The following PTAR1 variants were observed in gnomAD, a reference collection of about 807,000 sequenced individuals.
PTAR1 encodes protein prenyltransferase alpha subunit repeat-containing protein 1.
Under a neutral mutation model 45.5 loss-of-function variants are expected in PTAR1, and 17 were observed. That is an observed-to-expected ratio of 0.37 (90% CI 0.26 to 0.56). PTAR1 has a LOEUF of 0.56. Ranked by LOEUF, PTAR1 falls within the 20% of genes least tolerant of loss-of-function variation. PTAR1 has a pLI of 0.77. For synonymous variants in PTAR1, 169 were observed against 171.3 expected (o/e 0.99, Z 0.11); for missense variants, 391 against 476.3 (o/e 0.82, Z 1.67).
intron 3 of PTAR1, among the ~76,000 whole-genome samples, chr9:69,737,717 C>A (rs769260138): frequency 6.6e-6 from 1 of 152,108 alleles, no homozygotes; most frequent in Non-Finnish European, 1.5e-5. Context: ...AGTCAAGAAC[C>A]GTGTAAAGTG....
chr9:69,746,674 T>C (rs1255176239), intron 2 of PTAR1, among the ~76,000 whole-genome samples: 1 of 152,134 alleles, frequency 6.6e-6, no homozygotes, highest in Non-Finnish European at 1.5e-5. Flanking sequence ...CTACAATATA[T>C]GACTAACCCA....
Position 69,734,258 on chromosome 9 carries a change from TAAAAAA to T in PTAR1, c.324-10_324-5del, listed in dbSNP as rs398010830. The T allele has an allele frequency of 1.1e-3, 231 of 207,462 alleles. No homozygotes were observed. Among genetic ancestry groups the T allele is most frequent in the African/African-American group, 1.3e-3 (29 of 22,038 alleles). The allele number at this position is 207,462 out of a possible 1,614,324, so 12.9% of individuals were successfully genotyped here. ...GCCAGAGAGGATCAGCTCTTTCCTG[TAAAAAA>T]AAAAAAAAAAAAAAAAAAAAATTAA... On this transcript the variant is annotated splice_polypyrimidine_tract_variant and splice_region_variant and intron_variant, in intron 3 of 7. Transcript: ENST00000340434.
At chr9:69,750,689 T>C in intron 2 of PTAR1, 92 bp downstream of exon 2, 2 of 898,342 alleles carry the variant, frequency 2.2e-6, no homozygotes, top group South Asian at 4.2e-5. Context: ...AGAACTAGAA[T>C]CCAGGAATGC....
At chr9:69,729,491 T>C (rs1311246897) in intron 5 of PTAR1, among the ~76,000 whole-genome samples, 2 of 152,294 alleles carry the variant, frequency 1.3e-5, no homozygotes, top group African/African-American at 4.8e-5. Flanking sequence ...GCTTTTCTAG[T>C]TTTTCACTAC....
In PTAR1 at chr9:69,716,956, A is replaced by G. The variant is rs1824750586; in HGVS notation, c.*1386T>C. 6.6e-6 allele frequency: 1 copy of G among 152,186 alleles called. No homozygotes were observed. Among genetic ancestry groups the G allele is most frequent in the Non-Finnish European group, 1.5e-5 (1 of 68,020 alleles). The allele number at this position is 152,186 out of a possible 1,614,324, so 9.4% of individuals were successfully genotyped here. ...TGGATTGGCAAAACAAAGTATATGA[A>G]AAGAAGAAACAGACCACTTACAAAA... On this transcript the variant is annotated 3_prime_UTR_variant, in exon 8 of 8. Coordinates refer to ENST00000340434, the MANE Select transcript of PTAR1 (RefSeq NM_001099666.2).
intron 1 of PTAR1, among the ~76,000 whole-genome samples, chr9:69,755,334 T>C (rs1166413246): frequency 6.6e-6 from 1 of 152,146 alleles, no homozygotes; most frequent in African/African-American, 2.4e-5. Context: ...CACTTCACAA[T>C]AGGGATCCAT....
At chr9:69,750,017 C>CA (rs1826452075) in intron 2 of PTAR1, among the ~76,000 whole-genome samples, 1 of 151,904 alleles carries the variant, frequency 6.6e-6, no homozygotes, top group African/African-American at 2.4e-5. Flanking sequence ...AGAAGCTTTA[C>CA]AAAAACAGTA....
intron 2 of PTAR1, among the ~76,000 whole-genome samples, chr9:69,744,126 T>C (rs1031319410): frequency 1.3e-5 from 2 of 152,162 alleles, no homozygotes; most frequent in Non-Finnish European, 2.9e-5. Flanking sequence ...AAGTGAAACC[T>C]TCTGAAACCT....
rs766794109 is a variant in PTAR1 at position 69,750,783 on chromosome 9, T to A, written c.254A>T (p.Asp85Val). 2.5e-6 allele frequency: 4 copies of A among 1,605,096 alleles called. No homozygotes were observed. Among genetic ancestry groups the A allele is most frequent in the Non-Finnish European group, 3.4e-6 (4 of 1,175,942 alleles). Residue 85 changes from aspartate to valine, a missense_variant and splice_region_variant, in exon 2 of 8, where the codon GAT becomes GTT. Around this residue, in one of 5 missense-constraint regions of PTAR1, gnomAD observed 152 missense variants for 160.0 expected, o/e 0.95. Transcript: ENST00000340434. ...AAGAAAATATGATTCATACTTACCA[T>A]CTCTGTTCAGCCATTGCTTTCTTGT... ...YRTRKQWLNR[D>V]ELIDVTCTLL...
chr9:69,751,034 A>T, intron 1 of PTAR1, 84 bp from the exon 2 acceptor site: 1 of 940,380 alleles, frequency 1.1e-6, no homozygotes, highest in Non-Finnish European at 1.5e-6. Context: ...TATTTTAAAA[A>T]CCCCACATAT....
chr9:69,738,819 T>C (rs1444298929), intron 3 of PTAR1, among the ~76,000 whole-genome samples: 1 of 151,554 alleles, frequency 6.6e-6, no homozygotes, highest in Non-Finnish European at 1.5e-5. Context: ...ATTTTTTTTT[T>C]TTTTTTTGAG....
Position 69,718,159 on chromosome 9 carries a change from C to T in PTAR1, c.*183G>A, listed in dbSNP as rs1824806827. On this transcript the variant is annotated 3_prime_UTR_variant, in exon 8 of 8. Coordinates refer to ENST00000340434, the MANE Select transcript of PTAR1 (RefSeq NM_001099666.2). ...GGAAGGAACTATACGATTATTTTAT[C>T]CCCACAGGAATGCCAGTTATTAACA... The T allele has an allele frequency of 3.8e-6, 2 of 521,178 alleles. No homozygotes were observed. Among genetic ancestry groups the T allele is most frequent in the African/African-American group, 3.8e-5 (2 of 52,668 alleles). The allele number at this position is 521,178 out of a possible 1,614,324, so 32.3% of individuals were successfully genotyped here.
intron 6 of PTAR1, among the ~76,000 whole-genome samples, chr9:69,722,362 G>A (rs964561715): frequency 2.6e-5 from 4 of 152,176 alleles, no homozygotes; most frequent in African/African-American, 9.7e-5. Flanking sequence ...AAGCTGGGAA[G>A]GGGTCACATA....
rs1212143245 is a variant in PTAR1, at chr9:69,723,359, G to C, written c.914C>G (p.Ser305Cys). The C allele has an allele frequency of 1.2e-6, 2 of 1,613,822 alleles. No homozygotes were observed. The highest frequency in any genetic ancestry group is 2.2e-5 in the South Asian group (2 of 91,082). The change falls in exon 6 of 8, where the codon TCC (serine) becomes TGC (cysteine). Residue 305 changes from serine (S) to cysteine (C), a missense_variant. Physicochemically the swap from Ser to Cys is moderately radical, Grantham distance 112. Around this residue, in one of 5 missense-constraint regions of PTAR1, gnomAD observed 181 missense variants for 227.7 expected, o/e 0.80. Transcript: ENST00000340434. Reference protein sequence around the residue: ...EVEFSTDLIDSYPGHETLWCH... With the variant: ...EVEFSTDLIDCYPGHETLWCH... ...CCAAAGGGTTTCATGTCCTGGGTAG[G>C]AATCAATAAGATCAGTGCTGAATTC... is the stretch of plus-strand genomic sequence containing the variant.
rs879045909 is a variant in PTAR1, at chr9:69,718,231, G to A, written c.*111C>T. The A allele has an allele frequency of 4.4e-6, 3 of 685,652 alleles. No homozygotes were observed. The highest frequency in any genetic ancestry group is 7.0e-6 in the Non-Finnish European group (3 of 428,096). 42.5% of individuals were successfully genotyped at this position (685,652 alleles called of 1,614,324 possible). A position where few individuals can be genotyped will look rare whatever the true frequency, so the allele number is the denominator to read the frequency against. Reference sequence around the variant, plus strand: ...TACTATGGACTTTCAACCTAAAGACGAAGAACATATGGTTAGCCAATAATA... The same window carrying A: ...TACTATGGACTTTCAACCTAAAGACAAAGAACATATGGTTAGCCAATAATA... On this transcript the variant is annotated 3_prime_UTR_variant, in exon 8 of 8. Coordinates refer to ENST00000340434, the MANE Select transcript of PTAR1 (RefSeq NM_001099666.2).
At chr9:69,746,327 T>C (rs1367540347) in intron 2 of PTAR1, among the ~76,000 whole-genome samples, 1 of 152,222 alleles carries the variant, frequency 6.6e-6, no homozygotes, top group Non-Finnish European at 1.5e-5. Context: ...AGTAATTTGC[T>C]AAGTCATTGC....
At chr9:69,742,338 C>T (rs1404175611) in intron 2 of PTAR1, among the ~76,000 whole-genome samples, 2 of 152,086 alleles carry the variant, frequency 1.3e-5, no homozygotes, top group Non-Finnish European at 2.9e-5. Flanking sequence ...CATATTTTTA[C>T]ATAGGTATAG....
In PTAR1 at chr9:69,741,613, G is replaced by A. The variant is rs1282506884; in HGVS notation, c.323+179C>T. ...TATTTCAGGCAAGAAAGTTTATGAAGACACCACACAAAAAGGGGCAAAATG... is the reference window on the plus strand; with the variant it reads ...TATTTCAGGCAAGAAAGTTTATGAAAACACCACACAAAAAGGGGCAAAATG... On this transcript the variant is annotated intron_variant, in intron 3 of 7. Transcript: ENST00000340434. 17 of 559,030 alleles carry A rather than the reference G, an allele frequency of 3.0e-5. No individual in the cohort carries two copies. The Admixed American group carries it at 5.1e-4, about 17-fold the overall frequency. The allele number at this position is 559,030 out of a possible 1,614,324, so 34.6% of individuals were successfully genotyped here.
rs1824634733 is a variant in PTAR1 at position 69,714,131 on chromosome 9, T to C, written c.*4211A>G. 6.6e-6 allele frequency: 1 copy of C among 152,080 alleles called. No individual in the cohort carries two copies. 9.4% of individuals were successfully genotyped at this position (152,080 alleles called of 1,614,324 possible). On this transcript the variant is annotated 3_prime_UTR_variant, in exon 8 of 8. Transcript: ENST00000340434. ...ACACATCTCTCCATTAAATGGGAGC[T>C]TATTACAGAGCATACCTAGGTATGG...
Sources: allele counts gnomAD v4.1 joint callset (sites outside exome capture counted in the v4.1 genomes callset), GRCh38; gene constraint gnomAD v4.1.1; regional missense constraint gnomAD v4.1.1; transcripts MANE v1.5; gene names NCBI Gene and HGNC (gene_info 2026-07-23, HGNC 2026-07-21).